Variants in PPP1R13L observed in about 807,000 individuals in gnomAD.
The protein encoded by PPP1R13L is protein phosphatase 1 regulatory subunit 13 like, also known as relA-associated inhibitor.
PPP1R13L carries 50 observed loss-of-function variants against 80.9 expected under a neutral mutation model. The ratio of observed to expected loss-of-function variants is 0.62; its 90% confidence interval spans 0.49 to 0.78. The LOEUF (loss-of-function observed/expected upper bound fraction) is 0.78. PPP1R13L is among the 30% of genes least tolerant of loss of function. PPP1R13L has a pLI of 0.00. For missense variants in PPP1R13L, 1,200 were observed against 1,205.9 expected, an observed-to-expected ratio of 1.00 and a Z score of 0.07; for synonymous variants, 602 against 534.3, an observed-to-expected ratio of 1.13 and a Z score of -1.75.
intron 1 of PPP1R13L, 102 bp from the exon 2 acceptor site, chr19:45,398,441 G>C: frequency 1.7e-6 from 2 of 1,160,104 alleles, no homozygotes; most frequent in African/African-American, 1.5e-5. Context: ...CCTCAACTCA[G>C]TTCCTTCCCC....
chr19:45,396,870 C>A lies in PPP1R13L; in HGVS notation c.387G>T (p.Pro129=). The A allele has an allele frequency of 6.5e-7, 1 of 1,531,048 alleles. No individual in the cohort carries two copies. Among genetic ancestry groups the A allele is most frequent in the Non-Finnish European group, 8.7e-7 (1 of 1,147,906 alleles). 94.8% of individuals were successfully genotyped at this position (1,531,048 alleles called of 1,614,324 possible). Residue 129 remains proline, a synonymous_variant, in exon 4 of 13, where the codon CCG becomes CCT. Coordinates refer to ENST00000360957, the MANE Select transcript of PPP1R13L (RefSeq NM_006663.4). This position sits in a 1 kb window ranked among gnomAD's most constrained non-coding sequence, Gnocchi z 5.3. The part of the protein sequence containing the change: ...SSPRTPLYLQ[P]DAYGSLDRAT... Reference sequence around the variant, plus strand: ...CGCGGTCCAGGCTGCCGTAGGCGTCCGGCTGCAGGTAGAGCGGGGTGCGCG... The same window carrying A: ...CGCGGTCCAGGCTGCCGTAGGCGTCAGGCTGCAGGTAGAGCGGGGTGCGCG...
At chr19:45,385,502 TC>T in intron 11 of PPP1R13L, 59 bp downstream of exon 11, 1 of 1,497,530 alleles carries the variant, frequency 6.7e-7, no homozygotes. Context: ...GGGTAGTTGC[TC>T]CCCTCCCCGC....
chr19:45,404,465 C>T (rs773105858), intron 1 of PPP1R13L, among the ~76,000 whole-genome samples: 6 of 152,166 alleles, frequency 3.9e-5, no homozygotes, highest in Non-Finnish European at 7.3e-5. Flanking sequence ...ATCCCCGAGC[C>T]GAAAAGTCGG....
At chr19:45,380,775 C>T (rs1171491817) in intron 12 of PPP1R13L, among the ~76,000 whole-genome samples, 6 of 151,532 alleles carry the variant, frequency 4.0e-5, no homozygotes, top group Non-Finnish European at 5.9e-5. Flanking sequence ...GCCAAGATCG[C>T]GCCACTGCAC....
In PPP1R13L at chr19:45,382,744, G is replaced by A. The variant is rs961383993; in HGVS notation, c.2249-18C>T. 1.2e-6 allele frequency: 2 copies of A among 1,613,378 alleles called. No homozygotes were observed. Among genetic ancestry groups the A allele is most frequent in the African/African-American group, 2.7e-5 (2 of 74,938 alleles). On this transcript the variant is annotated intron_variant, in intron 11 of 12. Transcript: ENST00000360957. ...CTCGACGTCTGAAACATGCCACGGA[G>A]GGGAAGGTGAGAGCCTGGCCCAGGG... is the stretch of plus-strand genomic sequence containing the variant.
chr19:45,393,867 CA>C lies in PPP1R13L; in HGVS notation c.1355-1528del, dbSNP rs900361425. Among the ~76,000 whole-genome samples the C allele has an allele frequency of 1.6e-3, 234 of 148,926 alleles. 2 individuals carry two copies. Among genetic ancestry groups the C allele is most frequent in the African/African-American group, 5.3e-3 (213 of 40,546 alleles). On this transcript the variant is annotated intron_variant, in intron 7 of 12. Coordinates refer to ENST00000360957, the MANE Select transcript of PPP1R13L (RefSeq NM_006663.4). ...TGGAAGAAAGAGCGAGACTCTGTCTCAAAAAAAAAGAGTGAAACTCTGTCTC... is the reference window on the plus strand; with the variant it reads ...TGGAAGAAAGAGCGAGACTCTGTCTCAAAAAAAAGAGTGAAACTCTGTCTC...
chr19:45,404,226 C>G (rs1040003915), intron 1 of PPP1R13L, among the ~76,000 whole-genome samples: 2 of 152,166 alleles, frequency 1.3e-5, no homozygotes, highest in Non-Finnish European at 2.9e-5. Context: ...ATCCAATAGC[C>G]GCTTTCCGGA....
chr19:45,405,899 T>C (rs1423172342), upstream of PPP1R13L, among the ~76,000 whole-genome samples: 2 of 152,164 alleles, frequency 1.3e-5, no homozygotes, highest in East Asian at 3.9e-4. Context: ...TGCCGCTGTT[T>C]ACACGCTCCC....
intron 3 of PPP1R13L, among the ~76,000 whole-genome samples, chr19:45,397,650 G>T (rs1973139964): frequency 1.3e-5 from 2 of 151,624 alleles, no homozygotes; most frequent in African/African-American, 4.9e-5. Context: ...TAGAGACAGG[G>T]TTTCACCATG....
At chr19:45,384,531 C>CA (rs1972829927) in intron 11 of PPP1R13L, among the ~76,000 whole-genome samples, 1 of 150,378 alleles carries the variant, frequency 6.6e-6, no homozygotes, top group Non-Finnish European at 1.5e-5. Flanking sequence ...GACTCTGTCT[C>CA]AAAAAATAAA....
rs2123345873 is a variant in PPP1R13L at position 45,382,673 on chromosome 19, C to A, written c.2302G>T (p.Asp768Tyr). The A allele has an allele frequency of 1.2e-6, 2 of 1,614,034 alleles. No homozygotes were observed. Among genetic ancestry groups the A allele is most frequent in the Non-Finnish European group, 1.7e-6 (2 of 1,180,044 alleles). ...MNSGAVYALW[D>Y]YSAEFGDELS... ...TCGTCCCCGAACTCGGCGCTGTAGT[C>A]CCAGAGAGCGTACACTGCCCCGCTG... Residue 768 changes from aspartate (D) to tyrosine (Y), a missense_variant, in exon 12 of 13, where the codon GAC becomes TAC. Physicochemically the swap from Asp to Tyr is radical, Grantham distance 160. This residue lies in a region of PPP1R13L where 165 missense variants were observed against 177.1 expected (regional missense o/e 0.93). Transcript: ENST00000360957.
upstream of PPP1R13L, among the ~76,000 whole-genome samples, chr19:45,405,503 G>A (rs966755442): frequency 4.6e-5 from 7 of 152,362 alleles, no homozygotes; most frequent in South Asian, 6.2e-4. Context: ...ACCCCCAGCA[G>A]CCTCCGCGAC....
chr19:45,406,158 G>C (rs112640603), upstream of PPP1R13L: 1 of 398,482 alleles, frequency 2.5e-6, no homozygotes, highest in African/African-American at 2.2e-5. The surrounding 1 kb of genome is among the most constrained non-coding windows in gnomAD (Gnocchi z 4.2). Context: ...GGAACTTCAC[G>C]CCCTCCGGAC....
chr19:45,397,462 T>TTCTC (rs750460850), intron 3 of PPP1R13L, among the ~76,000 whole-genome samples: 1 of 106,914 alleles, frequency 9.4e-6, no homozygotes, highest in Non-Finnish European at 1.8e-5. Context: ...CTTGCTTGCT[T>TTCTC]TCTCTCTCTC....
In PPP1R13L at chr19:45,405,004, CG is replaced by C. The variant is rs1353129611; in HGVS notation, c.-28del. ...CCCAGGAGGGTGAAACTCACGGATCCGGGCAGATCCTGGCACCTGGGGGCTT... is the reference window on the plus strand; with the variant it reads ...CCCAGGAGGGTGAAACTCACGGATCCGGCAGATCCTGGCACCTGGGGGCTT... On this transcript the variant is annotated 5_prime_UTR_variant, in exon 1 of 13. Transcript: ENST00000360957. The C allele has an allele frequency of 2.0e-6, 2 of 985,814 alleles. No individual in the cohort carries two copies. The highest frequency in any genetic ancestry group is 2.3e-4 in the East Asian group (2 of 8,820). 61.1% of individuals were successfully genotyped at this position (985,814 alleles called of 1,614,324 possible). A position where few individuals can be genotyped will look rare whatever the true frequency, so the allele number is the denominator to read the frequency against.
chr19:45,404,819 C>A (rs955393170), intron 1 of PPP1R13L, among the ~76,000 whole-genome samples, 180 bp downstream of exon 1: 8 of 152,184 alleles, frequency 5.3e-5, no homozygotes, highest in Admixed American at 1.3e-4. Context: ...TTCAGGCATC[C>A]GAACCCGCTT....
intron 12 of PPP1R13L, among the ~76,000 whole-genome samples, chr19:45,380,829 AAC>A (rs112933504): frequency 0.12 from 17,619 of 145,260 alleles, 1,222 homozygotes; most frequent in Non-Finnish European, 0.16. Flanking sequence ...CCAAAAACAA[AAC>A]ACACACACAC....
chr19:45,386,766 G>A (rs1332796458), intron 8 of PPP1R13L, among the ~76,000 whole-genome samples: 1 of 151,358 alleles, frequency 6.6e-6, no homozygotes, highest in Non-Finnish European at 1.5e-5. Context: ...CTCCTGAGTA[G>A]CTAGGATTAC....
At chr19:45,389,510 A>C (rs1972928439) in intron 8 of PPP1R13L, among the ~76,000 whole-genome samples, 1 of 152,138 alleles carries the variant, frequency 6.6e-6, no homozygotes, top group South Asian at 2.1e-4. Flanking sequence ...TAAGCACTAC[A>C]TTAATGTATT....
Sources: gnomAD v4.1 joint callset for allele counts (sites outside exome capture counted in the v4.1 genomes callset) on GRCh38, gnomAD v4.1.1 for gene constraint, gnomAD v4.1.1 regional missense constraint, Gnocchi (gnomAD v3.1) non-coding constraint, MANE v1.5 for transcripts, NCBI Gene and HGNC (gene_info 2026-07-23, HGNC 2026-07-21) for gene names.